Variants in ITGAL observed in about 807,000 individuals in gnomAD.
ITGAL encodes integrin alpha-L.
Under a neutral mutation model 138.4 loss-of-function variants are expected in ITGAL, and 68 were observed. The observed-to-expected ratio is 0.49, with a 90% CI of 0.40 to 0.60. ITGAL has a LOEUF of 0.60. ITGAL is among the 20% of genes least tolerant of loss of function. The pLI is 0.00. For synonymous variants in ITGAL, 561 were observed against 584.3 expected (o/e 0.96, Z 0.57); for missense variants, 1,256 against 1,478.6 (o/e 0.85, Z 2.47).
intron 26 of ITGAL, 65 bp downstream of exon 26, chr16:30,517,151 G>A: frequency 9.1e-7 from 1 of 1,104,330 alleles, no homozygotes; most frequent in Non-Finnish European, 1.3e-6. Context: ...GCATTTGAGG[G>A]TACAGAGGGC....
At chr16:30,479,035 C>A in intron 4 of ITGAL, 56 bp from the exon 5 acceptor site, 1 of 1,362,390 alleles carries the variant, frequency 7.3e-7, no homozygotes, top group Non-Finnish European at 1.0e-6. Context: ...GTTGATGTTG[C>A]CCAAAAGACA....
At chr16:30,513,358 T>C (rs1385400125) in intron 24 of ITGAL, among the ~76,000 whole-genome samples, 1 of 152,178 alleles carries the variant, frequency 6.6e-6, no homozygotes, top group African/African-American at 2.4e-5. Flanking sequence ...CGTTGGCCAA[T>C]GCTGAGCAGG....
chr16:30,488,702 CAAAA>C (rs34533619), intron 9 of ITGAL, among the ~76,000 whole-genome samples: 3 of 57,696 alleles, frequency 5.2e-5, no homozygotes, highest in Non-Finnish European at 6.6e-5. Flanking sequence ...GACTCCATCT[CAAAA>C]AAAAAAAAAA....
At chr16:30,497,229 G>A (rs2050814644) in intron 15 of ITGAL, among the ~76,000 whole-genome samples, 1 of 151,792 alleles carries the variant, frequency 6.6e-6, no homozygotes, top group African/African-American at 2.4e-5. Flanking sequence ...TGTAGTCGCA[G>A]CTACTCGGGA....
rs1022670528 is a variant in ITGAL, at chr16:30,511,250, C to G, written c.2786+114C>G. On this transcript the variant is annotated intron_variant, in intron 24 of 30. Coordinates refer to ENST00000356798, the MANE Select transcript of ITGAL (RefSeq NM_002209.3). ...CTGAACCTCCTTCCTTTCTTAGAGCCCCTTGGGGTAATTAGAACTGATTCC... is the reference window on the plus strand; with the variant it reads ...CTGAACCTCCTTCCTTTCTTAGAGCGCCTTGGGGTAATTAGAACTGATTCC... 1.4e-5 allele frequency: 11 copies of G among 804,852 alleles called. 1 individual carries two copies. The highest frequency in any genetic ancestry group is 1.2e-4 in the African/African-American group (7 of 58,896). The allele number at this position is 804,852 out of a possible 1,614,324, so 49.9% of individuals were successfully genotyped here. A position where few individuals can be genotyped will look rare whatever the true frequency, so the allele number is the denominator to read the frequency against.
At chr16:30,482,277 C>CT (rs1228479604) in intron 7 of ITGAL, among the ~76,000 whole-genome samples, 3 of 151,908 alleles carry the variant, frequency 2.0e-5, no homozygotes, top group Non-Finnish European at 4.4e-5. Context: ...GATCTTAACT[C>CT]TAAGAAATTA....
At chr16:30,516,893 C>A in intron 25 of ITGAL, 80 bp from the exon 26 acceptor site, 1 of 946,684 alleles carries the variant, frequency 1.1e-6, no homozygotes, top group Non-Finnish European at 1.7e-6. Flanking sequence ...CTGGAAGAGG[C>A]GTGCAAGGGC....
Position 30,521,862 on chromosome 16 carries a change from C to T in ITGAL, c.*197C>T. On this transcript the variant is annotated 3_prime_UTR_variant, in exon 31 of 31. Transcript: ENST00000356798. ...TCATAGGGAAGACCTGCTGAGGGAC[C>T]AGCCAAGAGGGCTGCAAAAGTGAGG... 1.7e-6 allele frequency: 1 copy of T among 574,936 alleles called. No individual in the cohort carries two copies. Among genetic ancestry groups the T allele is most frequent in the African/African-American group, 1.9e-5 (1 of 53,302 alleles). 35.6% of individuals were successfully genotyped at this position (574,936 alleles called of 1,614,324 possible).
rs1420952235 is a variant in ITGAL at position 30,513,756 on chromosome 16, C to T, written c.2787-15C>T. The T allele has an allele frequency of 1.2e-6, 2 of 1,609,544 alleles. No individual in the cohort carries two copies. Among genetic ancestry groups the T allele is most frequent in the Non-Finnish European group, 1.7e-6 (2 of 1,175,952 alleles). The stretch of plus-strand genomic sequence containing the variant: ...GTCACTTCGTTCTTCCATCGCTGCC[C>T]TTCTCTCTCCGCAGCCAAGAAGACT... On this transcript the variant is annotated splice_polypyrimidine_tract_variant and intron_variant, in intron 24 of 30. Coordinates refer to ENST00000356798, the MANE Select transcript of ITGAL (RefSeq NM_002209.3).
intron 1 of ITGAL, 51 bp downstream of exon 1, chr16:30,472,949 A>T: frequency 6.5e-7 from 1 of 1,550,006 alleles, no homozygotes. Context: ...GACCAGAGAA[A>T]CTGCAGGGCT....
intron 20 of ITGAL, among the ~76,000 whole-genome samples, chr16:30,505,690 A>G (rs762812989): frequency 2.0e-5 from 3 of 152,008 alleles, no homozygotes; most frequent in African/African-American, 7.2e-5. Flanking sequence ...AAGACCAGCT[A>G]TGGGAAACAT....
intron 6 of ITGAL, 37 bp downstream of exon 6, chr16:30,479,498 T>C: frequency 6.3e-7 from 1 of 1,597,578 alleles, no homozygotes; most frequent in Non-Finnish European, 8.6e-7. Flanking sequence ...TTGCATGCAA[T>C]AGATGCCTAC....
chr16:30,493,564 C>T (rs928766172), intron 11 of ITGAL, among the ~76,000 whole-genome samples: 1 of 152,130 alleles, frequency 6.6e-6, no homozygotes, highest in Non-Finnish European at 1.5e-5. Flanking sequence ...GCGTGAGCCA[C>T]CGCACCTGGA....
Position 30,494,942 on chromosome 16 carries a change from C to T in ITGAL, c.1503+92C>T, listed in dbSNP as rs1026727558. ...TCTGAAGGCTTTCTCTGTCTGGTCACGTGGCGATCAAACTTTTAGAACGAC... is the reference window on the plus strand; with the variant it reads ...TCTGAAGGCTTTCTCTGTCTGGTCATGTGGCGATCAAACTTTTAGAACGAC... On this transcript the variant is annotated intron_variant, in intron 13 of 30. Coordinates refer to ENST00000356798, the MANE Select transcript of ITGAL (RefSeq NM_002209.3). This position sits in a 1 kb window ranked among gnomAD's most constrained non-coding sequence, Gnocchi z 4.2. The T allele has an allele frequency of 9.2e-6, 13 of 1,411,602 alleles. No homozygotes were observed. The highest frequency in any genetic ancestry group is 2.5e-5 in the Admixed American group (1 of 40,600). 87.4% of individuals were successfully genotyped at this position (1,411,602 alleles called of 1,614,324 possible). A position where few individuals can be genotyped will look rare whatever the true frequency, so the allele number is the denominator to read the frequency against.
Position 30,513,632 on chromosome 16 carries a change from G to T in ITGAL, c.2787-139G>T. ...CCCTGTCCAGGAGCCTTAGTTTCTG[G>T]GAAAGAGCAGGTTGTGGTAGGGATT... On this transcript the variant is annotated intron_variant, in intron 24 of 30. Coordinates refer to ENST00000356798, the MANE Select transcript of ITGAL (RefSeq NM_002209.3). The T allele has an allele frequency of 3.1e-6, 2 of 654,682 alleles. 1 individual carries two copies. The highest frequency in any genetic ancestry group is 3.6e-5 in the South Asian group (2 of 55,768). 40.6% of individuals were successfully genotyped at this position (654,682 alleles called of 1,614,324 possible).
At chr16:30,496,976 C>T (rs1167198338) in intron 15 of ITGAL, among the ~76,000 whole-genome samples, 1 of 151,982 alleles carries the variant, frequency 6.6e-6, no homozygotes, top group Non-Finnish European at 1.5e-5. Context: ...TATGGTCTTC[C>T]AGGCCAGGCA....
chr16:30,505,165 C>A, intron 18 of ITGAL, 79 bp from the exon 19 acceptor site: 1 of 1,366,884 alleles, frequency 7.3e-7, no homozygotes, highest in Non-Finnish European at 9.8e-7. Context: ...AAGCCCCTGC[C>A]CCTCCAGCTC....
chr16:30,477,113 C>G (rs2050482965), intron 4 of ITGAL: 1 of 152,190 alleles, frequency 6.6e-6, no homozygotes, highest in Non-Finnish European at 1.5e-5. Flanking sequence ...TTGCTCTCTC[C>G]AACTTATCCC....
At position 30,506,728 on chromosome 16, in the gene ITGAL, C is replaced by G. The variant is rs1377895872; in HGVS notation, c.2380C>G (p.Arg794Gly). 1 of 1,613,742 alleles carries G rather than the reference C, an allele frequency of 6.2e-7. No homozygotes were observed. ...SFSPARSRALRLTAFASLSVE... is the reference protein window; with the variant it reads ...SFSPARSRALGLTAFASLSVE... Reference sequence around the variant, plus strand: ...CATCCCCCACAGATCCAGAGCCCTGCGTCTAACTGCTTTTGCCAGCCTCTC... The same window carrying G: ...CATCCCCCACAGATCCAGAGCCCTGGGTCTAACTGCTTTTGCCAGCCTCTC... The change falls in exon 21 of 31, where the codon CGT (arginine) becomes GGT (glycine). Residue 794 changes from arginine (R) to glycine (G), a missense_variant. Coordinates refer to ENST00000356798, the MANE Select transcript of ITGAL (RefSeq NM_002209.3).
Sources: gnomAD v4.1 joint callset for allele counts (sites outside exome capture counted in the v4.1 genomes callset) on GRCh38, gnomAD v4.1.1 for gene constraint, Gnocchi (gnomAD v3.1) non-coding constraint, MANE v1.5 for transcripts, NCBI Gene and HGNC (gene_info 2026-07-23, HGNC 2026-07-21) for gene names.